Variants in MGAT5 observed in about 807,000 individuals in gnomAD.
MGAT5 encodes alpha-1,6-mannosylglycoprotein 6-beta-N-acetylglucosaminyltransferase A.
MGAT5 carries 30 observed loss-of-function variants against 94.3 expected under a neutral mutation model. That is an observed-to-expected ratio of 0.32 (90% CI 0.24 to 0.43). The LOEUF (loss-of-function observed/expected upper bound fraction) is 0.43. MGAT5 is among the 20% of genes least tolerant of loss of function. The pLI is 1.00. For missense variants in MGAT5, 691 were observed against 905.5 expected, an observed-to-expected ratio of 0.76 and a Z score of 3.04; for synonymous variants, 310 against 322.9, an observed-to-expected ratio of 0.96 and a Z score of 0.43.
At chr2:134,142,014 A>AGG (rs1176118020) in intron 1 of MGAT5, among the ~76,000 whole-genome samples, 1 of 152,198 alleles carries the variant, frequency 6.6e-6, no homozygotes, top group Non-Finnish European at 1.5e-5. Flanking sequence ...GTGGCAGGGC[A>AGG]GGGTACCTCA....
At chr2:134,391,657 A>G (rs1682419442) in intron 10 of MGAT5, among the ~76,000 whole-genome samples, 2 of 152,144 alleles carry the variant, frequency 1.3e-5, no homozygotes, top group Non-Finnish European at 1.5e-5. Context: ...ACCTCCTAGT[A>G]CCATCACAGG....
At chr2:134,157,650 T>G (rs1378289109) in intron 1 of MGAT5, among the ~76,000 whole-genome samples, 1 of 152,120 alleles carries the variant, frequency 6.6e-6, no homozygotes, top group Admixed American at 6.5e-5. Context: ...TTATTTCTAT[T>G]ATTACATTGT....
chr2:134,273,806 C>G lies in MGAT5; in HGVS notation c.406+3256C>G, dbSNP rs894523802. 1.3e-5 allele frequency among the ~76,000 whole-genome samples: 2 copies of G among 152,140 alleles called. 1 individual carries two copies. Reference sequence around the variant, plus strand: ...ATGAGCTTTATTAAAATCAAGAAATCAGATTGAACTGGATTTTTGAGCTCT... The same window carrying G: ...ATGAGCTTTATTAAAATCAAGAAATGAGATTGAACTGGATTTTTGAGCTCT... On this transcript the variant is annotated intron_variant, in intron 2 of 15. Transcript: ENST00000281923.
At chr2:134,381,395 TAGATAGATAGATAGATA>T (rs1558841878) in intron 10 of MGAT5, among the ~76,000 whole-genome samples, 129 of 80,730 alleles carry the variant, frequency 1.6e-3, no homozygotes, top group Middle Eastern at 0.01. Flanking sequence ...GATAGATAGA[TAGATAGATAGATAGATA>T]GATAGATAGA....
At chr2:134,204,641 G>C (rs1433941886) in intron 1 of MGAT5, among the ~76,000 whole-genome samples, 1 of 152,170 alleles carries the variant, frequency 6.6e-6, no homozygotes, top group East Asian at 1.9e-4. Flanking sequence ...TCTCTTTCCT[G>C]TAGGAACCCA....
intron 14 of MGAT5, among the ~76,000 whole-genome samples, chr2:134,438,181 A>T (rs2004011): frequency 0.12 from 17,992 of 152,212 alleles, 1,153 homozygotes; most frequent in Admixed American, 0.17. Flanking sequence ...AAATATTTTT[A>T]AAAATTACCT....
At position 134,349,079 on chromosome 2, in the gene MGAT5, G is replaced by T. The variant is rs565795046; in HGVS notation, c.1113-726G>T. On this transcript the variant is annotated intron_variant, in intron 8 of 15. Transcript: ENST00000281923. The stretch of plus-strand genomic sequence containing the variant: ...TGAAAATTGGAATTTTATGTAATTT[G>T]TACATGTCACAAAATATTTTTTAAA... Among the ~76,000 whole-genome samples the T allele has an allele frequency of 2.0e-4, 30 of 152,222 alleles. No homozygotes were observed. In the South Asian group the frequency reaches 2.3e-3, roughly 12 times the overall value.
chr2:134,138,799 C>A (rs1236747986), intron 1 of MGAT5, among the ~76,000 whole-genome samples: 3 of 152,108 alleles, frequency 2.0e-5, no homozygotes, highest in African/African-American at 7.2e-5. Context: ...GCAAGGTGGT[C>A]ATATAATTTA....
chr2:134,203,997 T>C (rs1451397446), intron 1 of MGAT5, among the ~76,000 whole-genome samples: 1 of 152,212 alleles, frequency 6.6e-6, no homozygotes, highest in African/African-American at 2.4e-5. Flanking sequence ...GGAGTTATCA[T>C]ACATGGGCAA....
intron 2 of MGAT5, among the ~76,000 whole-genome samples, chr2:134,297,601 T>C (rs2105805289): frequency 6.6e-6 from 1 of 152,206 alleles, no homozygotes; most frequent in East Asian, 1.9e-4. Context: ...AATCTATTAA[T>C]ATAATACTCC....
chr2:134,437,923 G>T (rs1203933642), intron 14 of MGAT5, among the ~76,000 whole-genome samples: 2 of 150,526 alleles, frequency 1.3e-5, no homozygotes, highest in African/African-American at 2.5e-5. Context: ...ACTGAGGCAG[G>T]AGAATCACAT....
intron 12 of MGAT5, among the ~76,000 whole-genome samples, chr2:134,421,874 A>AAGAATGGACTCAAC (rs1202624435): frequency 6.6e-6 from 1 of 152,174 alleles, no homozygotes; most frequent in Non-Finnish European, 1.5e-5. Context: ...AGCTGTATTA[A>AAGAATGGACTCAAC]AGAATGGACT....
chr2:134,445,031 TC>T (rs1450182678), intron 15 of MGAT5, among the ~76,000 whole-genome samples: 4 of 152,198 alleles, frequency 2.6e-5, no homozygotes, highest in South Asian at 2.1e-4. Flanking sequence ...GAACATGTGT[TC>T]CTGCCCAGTT....
chr2:134,236,680 T>C (rs911884780), intron 1 of MGAT5, among the ~76,000 whole-genome samples: 5 of 152,142 alleles, frequency 3.3e-5, no homozygotes, highest in African/African-American at 1.2e-4. Flanking sequence ...GTCTCGGGTA[T>C]GTCTTTATTA....
intron 2 of MGAT5, among the ~76,000 whole-genome samples, chr2:134,276,304 C>T (rs2105684785): frequency 6.6e-6 from 1 of 152,228 alleles, no homozygotes; most frequent in Middle Eastern, 3.4e-3. Context: ...CCACAGTGTG[C>T]TTTTGGCAAT....
chr2:134,446,476 C>A (rs144033318), intron 15 of MGAT5, among the ~76,000 whole-genome samples: 3,998 of 152,226 alleles, frequency 0.026, 68 homozygotes, highest in Non-Finnish European at 0.04. Context: ...ATCCCAAGGT[C>A]ATGTTCCATA....
intron 2 of MGAT5, among the ~76,000 whole-genome samples, chr2:134,275,723 C>T (rs1046047185): frequency 1.7e-4 from 26 of 151,654 alleles, no homozygotes; most frequent in African/African-American, 6.1e-4. Flanking sequence ...GCTGGGACTA[C>T]AGGCAATGTG....
intron 11 of MGAT5, among the ~76,000 whole-genome samples, 184 bp from the exon 12 acceptor site, chr2:134,412,685 T>C (rs1683739313): frequency 6.6e-6 from 1 of 152,026 alleles, no homozygotes; most frequent in Non-Finnish European, 1.5e-5. Flanking sequence ...AAGTTCGTAG[T>C]TTTTCAGATC....
At chr2:134,293,473 A>G (rs540537434) in intron 2 of MGAT5, among the ~76,000 whole-genome samples, 1 of 146,414 alleles carries the variant, frequency 6.8e-6, no homozygotes. Context: ...TTATTTTTTT[A>G]TTTTTATTTT....
Sources: gnomAD v4.1 joint callset for allele counts (sites outside exome capture counted in the v4.1 genomes callset) on GRCh38, gnomAD v4.1.1 for gene constraint, MANE v1.5 for transcripts, NCBI Gene and HGNC (gene_info 2026-07-23, HGNC 2026-07-21) for gene names.